The following FAM118B variants were observed in gnomAD, a reference collection of about 807,000 sequenced individuals.
FAM118B encodes protein FAM118B.
A neutral mutation model predicts 38.5 loss-of-function variants in FAM118B; 24 were observed. The observed-to-expected ratio is 0.62, with a 90% CI of 0.45 to 0.88. The LOEUF (loss-of-function observed/expected upper bound fraction) is 0.88, where lower values mean the gene tolerates loss of function less well. Among genes scored for constraint, FAM118B ranks in the 40% least tolerant of loss-of-function variants. The pLI, the probability that FAM118B is intolerant of heterozygous loss-of-function variation, is 0.00. For missense variants in FAM118B, 334 were observed against 420.0 expected (o/e 0.80, Z 1.79); for synonymous variants, 138 against 156.3 (o/e 0.88, Z 0.87).
Position 126,235,100 on chromosome 11 carries a change from A to C in FAM118B, c.86+13A>C, listed in dbSNP as rs1950256271. ...CCAAAAAGCCCAGGTAAACAAGAGAAGGGAATCAGCAGAGTAAATTACCAT... is the reference window on the plus strand; with the variant it reads ...CCAAAAAGCCCAGGTAAACAAGAGACGGGAATCAGCAGAGTAAATTACCAT... On this transcript the variant is annotated intron_variant, in intron 3 of 8. Coordinates refer to ENST00000533050, the MANE Select transcript of FAM118B (RefSeq NM_024556.4). The C allele has an allele frequency of 1.2e-6, 2 of 1,612,032 alleles. No homozygotes were observed. Among genetic ancestry groups the C allele is most frequent in the Non-Finnish European group, 1.7e-6 (2 of 1,178,326 alleles).
At chr11:126,223,045 C>G (rs868085083) in intron 1 of FAM118B, among the ~76,000 whole-genome samples, 1 of 117,712 alleles carries the variant, frequency 8.5e-6, no homozygotes, top group Non-Finnish European at 1.6e-5. Context: ...TGGGGAGGCC[C>G]TTGCAGAATA....
intron 5 of FAM118B, 108 bp from the exon 6 acceptor site, chr11:126,254,197 A>T: frequency 7.6e-7 from 1 of 1,323,308 alleles, no homozygotes; most frequent in Admixed American, 2.4e-5. Flanking sequence ...ATGAAGCTAG[A>T]GAGTTTATGT....
At position 126,235,799 on chromosome 11, in the gene FAM118B, G is replaced by A. The variant is rs548603324; in HGVS notation, c.86+712G>A. 4.6e-5 allele frequency among the ~76,000 whole-genome samples: 7 copies of A among 151,968 alleles called. No homozygotes were observed. In the East Asian group the frequency reaches 7.7e-4, roughly 17 times the overall value. Reference sequence around the variant, plus strand: ...CTCCCAAAGTGCTGGGATTATAGGCGTGAGCCACTGTGCCCGGCCTGGTTC... The same window carrying A: ...CTCCCAAAGTGCTGGGATTATAGGCATGAGCCACTGTGCCCGGCCTGGTTC... On this transcript the variant is annotated intron_variant, in intron 3 of 8. Transcript: ENST00000533050.
At chr11:126,232,766 A>G (rs1470431660) in intron 2 of FAM118B, among the ~76,000 whole-genome samples, 1 of 151,550 alleles carries the variant, frequency 6.6e-6, no homozygotes, top group Admixed American at 6.6e-5. Flanking sequence ...AAAAATATAT[A>G]TCCCCAAACT....
intron 3 of FAM118B, among the ~76,000 whole-genome samples, chr11:126,236,733 GTC>G (rs946462021): frequency 8.1e-5 from 12 of 147,614 alleles, no homozygotes; most frequent in Non-Finnish European, 1.5e-4. Flanking sequence ...CTTGTATTAA[GTC>G]TCTAATTTTT....
chr11:126,252,138 C>T lies in FAM118B; in HGVS notation c.567+1405C>T, dbSNP rs2135203169. On this transcript the variant is annotated intron_variant, in intron 5 of 8. Transcript: ENST00000533050. This position sits in a 1 kb window ranked among gnomAD's most constrained non-coding sequence, Gnocchi z 4.7. ...AATAGCTGGGATTACAGGCACCCGC[C>T]ATCACGTCTGGCTAATTTTTGTATT... Among the ~76,000 whole-genome samples the T allele has an allele frequency of 6.6e-6, 1 of 152,170 alleles. No individual in the cohort carries two copies. Among genetic ancestry groups the T allele is most frequent in the South Asian group, 2.1e-4 (1 of 4,824 alleles).
chr11:126,228,685 G>C (rs1001831460), intron 1 of FAM118B, among the ~76,000 whole-genome samples: 1 of 151,892 alleles, frequency 6.6e-6, no homozygotes, highest in Admixed American at 6.6e-5. Context: ...TCAGCCTCCC[G>C]AGTAGCTGGA....
chr11:126,233,777 T>C, intron 2 of FAM118B: 1 of 454,586 alleles, frequency 2.2e-6, no homozygotes, highest in East Asian at 7.0e-5. Flanking sequence ...ACTTAGTGTT[T>C]TAATAAAGAA....
At chr11:126,228,793 T>G (rs1020702427) in intron 1 of FAM118B, among the ~76,000 whole-genome samples, 20 of 151,446 alleles carry the variant, frequency 1.3e-4, no homozygotes, top group East Asian at 9.8e-4. Flanking sequence ...ACTCCTGACC[T>G]CTTGATCCAC....
chr11:126,234,610 G>A (rs1950247633), intron 2 of FAM118B, among the ~76,000 whole-genome samples: 1 of 152,186 alleles, frequency 6.6e-6, no homozygotes, highest in South Asian at 2.1e-4. Flanking sequence ...TTATCTATGG[G>A]TGGTTTTTAT....
chr11:126,227,165 C>T (rs551970051), intron 1 of FAM118B, among the ~76,000 whole-genome samples: 1 of 148,250 alleles, frequency 6.7e-6, no homozygotes, highest in African/African-American at 2.5e-5. Flanking sequence ...CGGGTTCAAG[C>T]GATTGTCCTG....
At position 126,257,435 on chromosome 11, in the gene FAM118B, G is replaced by C. The variant is rs182196158; in HGVS notation, c.982+583G>C. Among the ~76,000 whole-genome samples the C allele has an allele frequency of 3.7e-4, 57 of 152,182 alleles. 1 individual carries two copies. In the East Asian group the frequency reaches 0.011, roughly 28 times the overall value. ...AAAAATTGGAAGGATCCTAAAATTG[G>C]TGGAGATTCTACAGATATGCCAATA... On this transcript the variant is annotated intron_variant, in intron 7 of 8. Transcript: ENST00000533050.
intron 2 of FAM118B, among the ~76,000 whole-genome samples, chr11:126,229,940 C>A (rs189685416): frequency 6.3e-4 from 96 of 152,330 alleles, no homozygotes; most frequent in African/African-American, 2.2e-3. Flanking sequence ...TGGCATCAGT[C>A]TGGCATTTCC....
chr11:126,259,639 A>C (rs935148253), intron 7 of FAM118B, among the ~76,000 whole-genome samples: 1 of 151,000 alleles, frequency 6.6e-6, no homozygotes, highest in African/African-American at 2.4e-5. Flanking sequence ...GTTGGCCAGG[A>C]TGGTCTCGGT....
chr11:126,217,219 A>G (rs1227565273), intron 1 of FAM118B, among the ~76,000 whole-genome samples: 1 of 152,148 alleles, frequency 6.6e-6, no homozygotes, highest in Non-Finnish European at 1.5e-5. Flanking sequence ...TTTTTTTGAG[A>G]GTCTGCTGTA....
intron 1 of FAM118B, among the ~76,000 whole-genome samples, chr11:126,215,549 T>C (rs995031730): frequency 1.6e-4 from 24 of 151,776 alleles, no homozygotes; most frequent in Non-Finnish European, 3.1e-4. Flanking sequence ...ATACAAAAAT[T>C]AGCTGGGCGT....
chr11:126,253,011 G>A lies in FAM118B; in HGVS notation c.568-1294G>A, dbSNP rs150764611. On this transcript the variant is annotated intron_variant, in intron 5 of 8. Transcript: ENST00000533050. The surrounding 1 kb of genome is among the most constrained non-coding windows in gnomAD (Gnocchi z 5.1). ...GATTGCGCCACTGTGCTCCAATCTG[G>A]GCAACAGACCAAGACTCTGTCTAAA... 6.6e-6 allele frequency among the ~76,000 whole-genome samples: 1 copy of A among 152,272 alleles called. No individual in the cohort carries two copies. Among genetic ancestry groups the A allele is most frequent in the East Asian group, 1.9e-4 (1 of 5,188 alleles).
At chr11:126,246,198 G>A (rs904599761) in intron 4 of FAM118B, among the ~76,000 whole-genome samples, 1 of 152,022 alleles carries the variant, frequency 6.6e-6, no homozygotes, top group African/African-American at 2.4e-5. Flanking sequence ...GAAGTATTGC[G>A]ATTATGTTTT....
chr11:126,236,679 A>T (rs1407212720), intron 3 of FAM118B, among the ~76,000 whole-genome samples: 2 of 151,650 alleles, frequency 1.3e-5, no homozygotes, highest in Non-Finnish European at 2.9e-5. Context: ...TGTTTTTTCT[A>T]TTCCACATTT....
Sources: allele counts gnomAD v4.1 joint callset (sites outside exome capture counted in the v4.1 genomes callset), GRCh38; gene constraint gnomAD v4.1.1; non-coding constraint Gnocchi (gnomAD v3.1); transcripts MANE v1.5; gene names NCBI Gene and HGNC (gene_info 2026-07-23, HGNC 2026-07-21).